SLC25A21: variants seen among roughly 807,000 people sequenced by gnomAD.
The protein encoded by SLC25A21 is mitochondrial 2-oxodicarboxylate carrier.
A neutral mutation model predicts 43.8 loss-of-function variants in SLC25A21; 47 were observed. That is an observed-to-expected ratio of 1.07 (90% confidence interval 0.85 to 1.37). The LOEUF (loss-of-function observed/expected upper bound fraction) is 1.37, where lower values mean the gene tolerates loss of function less well. Among genes scored for constraint, SLC25A21 ranks in the 40% most tolerant of loss-of-function variants. The pLI is 0.00. For synonymous variants in SLC25A21, 131 were observed against 121.3 expected, an observed-to-expected ratio of 1.08 and a Z score of -0.52; for missense variants, 352 against 350.2, an observed-to-expected ratio of 1.00 and a Z score of -0.04.
intron 1 of SLC25A21, among the ~76,000 whole-genome samples, chr14:37,015,039 T>TTTATTATTA (rs548034724): frequency 1.2e-4 from 18 of 151,824 alleles, no homozygotes; most frequent in African/African-American, 3.9e-4. Flanking sequence ...GGCATAATTC[T>TTTATTATTA]TTATTATTAT....
chr14:37,113,187 C>T (rs1963049673), intron 1 of SLC25A21, among the ~76,000 whole-genome samples: 1 of 152,142 alleles, frequency 6.6e-6, no homozygotes, highest in African/African-American at 2.4e-5. Flanking sequence ...ACCACAGTCA[C>T]ATTCTACCTA....
chr14:37,144,613 T>C (rs977623882), intron 1 of SLC25A21, among the ~76,000 whole-genome samples: 6 of 152,096 alleles, frequency 3.9e-5, no homozygotes, highest in Non-Finnish European at 8.8e-5. Context: ...AAATCCAGGT[T>C]TGAGCACAAA....
At chr14:36,888,711 A>G (rs1169488781) in intron 1 of SLC25A21, among the ~76,000 whole-genome samples, 1 of 152,176 alleles carries the variant, frequency 6.6e-6, no homozygotes, top group Non-Finnish European at 1.5e-5. Context: ...AGATGTACAG[A>G]AACAGGTGGA....
At chr14:36,962,661 A>C (rs1159105379) in intron 1 of SLC25A21, among the ~76,000 whole-genome samples, 5 of 152,230 alleles carry the variant, frequency 3.3e-5, no homozygotes, top group African/African-American at 7.2e-5. Flanking sequence ...AACACAATCA[A>C]ACTGCATCAA....
intron 1 of SLC25A21, among the ~76,000 whole-genome samples, chr14:37,134,583 T>A (rs1452309697): frequency 6.7e-6 from 1 of 150,056 alleles, no homozygotes; most frequent in East Asian, 2.0e-4. Flanking sequence ...AGGTCAAGGC[T>A]GCAGTGAGCC....
intron 3 of SLC25A21, among the ~76,000 whole-genome samples, chr14:36,743,563 C>A (rs1033485253): frequency 1.3e-5 from 2 of 152,154 alleles, no homozygotes; most frequent in African/African-American, 2.4e-5. Context: ...TATGACACAC[C>A]CACAGCCAAC....
At chr14:36,762,668 CT>C (rs1886205139) in intron 3 of SLC25A21, among the ~76,000 whole-genome samples, 1 of 152,204 alleles carries the variant, frequency 6.6e-6, no homozygotes, top group African/African-American at 2.4e-5. Context: ...AGTTCTGCTA[CT>C]TAGTAGCTGT....
At chr14:36,909,450 T>C (rs1374214464) in intron 1 of SLC25A21, among the ~76,000 whole-genome samples, 1 of 152,212 alleles carries the variant, frequency 6.6e-6, no homozygotes, top group Non-Finnish European at 1.5e-5. Context: ...CGTATTCAAC[T>C]GCACTGGATA....
At chr14:37,081,006 T>G (rs1962376979) in intron 1 of SLC25A21, among the ~76,000 whole-genome samples, 1 of 152,208 alleles carries the variant, frequency 6.6e-6, no homozygotes, top group African/African-American at 2.4e-5. Flanking sequence ...TCCTGTCACC[T>G]AGTTTGGAGA....
intron 1 of SLC25A21, among the ~76,000 whole-genome samples, chr14:37,056,565 A>G (rs1461143683): frequency 6.6e-6 from 1 of 151,990 alleles, no homozygotes; most frequent in Non-Finnish European, 1.5e-5. Flanking sequence ...ACAGATGCAG[A>G]CACACACATC....
intron 1 of SLC25A21, among the ~76,000 whole-genome samples, chr14:37,037,836 C>T (rs1961361676): frequency 6.6e-6 from 1 of 152,140 alleles, no homozygotes; most frequent in Admixed American, 6.5e-5. Flanking sequence ...CCAAACTAAA[C>T]CCATATGGCT....
At chr14:36,982,509 T>G (rs1207785561) in intron 1 of SLC25A21, among the ~76,000 whole-genome samples, 1 of 152,082 alleles carries the variant, frequency 6.6e-6, no homozygotes, top group Admixed American at 6.6e-5. Flanking sequence ...AAGGTTTTAG[T>G]ATTTATTAGG....
chr14:36,784,715 T>C (rs1887187192), intron 3 of SLC25A21, among the ~76,000 whole-genome samples: 1 of 152,188 alleles, frequency 6.6e-6, no homozygotes, highest in African/African-American at 2.4e-5. Flanking sequence ...TTAGGCTTTG[T>C]ATCTCTCTTC....
intron 2 of SLC25A21, among the ~76,000 whole-genome samples, chr14:36,868,073 C>G (rs886332370): frequency 1.3e-5 from 2 of 151,306 alleles, no homozygotes; most frequent in African/African-American, 2.4e-5. Context: ...CAAAATGAAG[C>G]CTATATAAGA....
chr14:36,957,893 T>C (rs1959383072), intron 1 of SLC25A21, among the ~76,000 whole-genome samples: 1 of 152,254 alleles, frequency 6.6e-6, no homozygotes, highest in South Asian at 2.1e-4. Context: ...TTTTGTTTAG[T>C]ATCATTATTC....
At chr14:36,989,270 C>T (rs1594740333) in intron 1 of SLC25A21, among the ~76,000 whole-genome samples, 1 of 152,120 alleles carries the variant, frequency 6.6e-6, no homozygotes, top group Admixed American at 6.5e-5. Context: ...GTGCAATGAT[C>T]CAGGTGTAGA....
At chr14:36,768,164 C>A (rs1413544268) in intron 3 of SLC25A21, among the ~76,000 whole-genome samples, 2 of 152,140 alleles carry the variant, frequency 1.3e-5, no homozygotes, top group African/African-American at 4.8e-5. Flanking sequence ...TACACTTGGG[C>A]TTTATATTGT....
chr14:37,068,952 A>G (rs756839452), intron 1 of SLC25A21, among the ~76,000 whole-genome samples: 1 of 152,204 alleles, frequency 6.6e-6, no homozygotes, highest in Non-Finnish European at 1.5e-5. Context: ...AGGCGGGCAG[A>G]TAACGAGGTC....
chr14:37,086,029 C>G (rs1319992174), intron 1 of SLC25A21, among the ~76,000 whole-genome samples: 1 of 152,014 alleles, frequency 6.6e-6, no homozygotes, highest in African/African-American at 2.4e-5. Context: ...GGCGCGAACC[C>G]AGGAGGCGGA....
Sources: allele counts gnomAD v4.1 joint callset (sites outside exome capture counted in the v4.1 genomes callset), GRCh38; gene constraint gnomAD v4.1.1; transcripts MANE v1.5; gene names NCBI Gene and HGNC (gene_info 2026-07-23, HGNC 2026-07-21).